RBM19: variants seen among roughly 807,000 people sequenced by gnomAD.
The protein encoded by RBM19 is RNA binding motif protein 19.
A neutral mutation model predicts 116.8 loss-of-function variants in RBM19; 94 were observed. The observed-to-expected ratio is 0.80, with a 90% CI of 0.68 to 0.95. RBM19 has a LOEUF of 0.95. Among genes scored for constraint, RBM19 ranks in the 40% least tolerant of loss-of-function variants. RBM19 has a pLI of 0.00. For missense variants in RBM19, 1,161 were observed against 1,220.7 expected (o/e 0.95, Z 0.73); for synonymous variants, 475 against 494.1 (o/e 0.96, Z 0.51).
intron 21 of RBM19, among the ~76,000 whole-genome samples, chr12:113,899,657 A>G (rs1244563707): frequency 1.3e-5 from 2 of 152,230 alleles, no homozygotes; most frequent in African/African-American, 4.8e-5. Flanking sequence ...AGTGATGCTT[A>G]GTAAATATTT....
intron 21 of RBM19, among the ~76,000 whole-genome samples, chr12:113,888,921 G>A (rs1880738331): frequency 1.3e-5 from 2 of 152,348 alleles, no homozygotes; most frequent in Admixed American, 1.3e-4. Context: ...CTTAACGGGT[G>A]GTACTGCCCC....
chr12:113,832,937 T>A (rs1875557305), intron 23 of RBM19, among the ~76,000 whole-genome samples: 2 of 152,046 alleles, frequency 1.3e-5, no homozygotes, highest in Admixed American at 6.6e-5. Context: ...AAATGTACTG[T>A]CCTGTGAATG....
intron 21 of RBM19, among the ~76,000 whole-genome samples, chr12:113,896,648 A>C (rs1353763667): frequency 1.3e-5 from 2 of 152,194 alleles, no homozygotes; most frequent in Non-Finnish European, 2.9e-5. Context: ...GCATTTTACA[A>C]GAGAACAGAG....
intron 21 of RBM19, among the ~76,000 whole-genome samples, chr12:113,862,457 A>G (rs540015128): frequency 6.6e-6 from 1 of 152,334 alleles, no homozygotes; most frequent in African/African-American, 2.4e-5. Flanking sequence ...TAAAAAGAAA[A>G]AAAAAGGTTG....
At chr12:113,853,681 G>A (rs985897025) in intron 22 of RBM19, among the ~76,000 whole-genome samples, 6 of 152,210 alleles carry the variant, frequency 3.9e-5, no homozygotes, top group African/African-American at 1.4e-4. Context: ...AGCCAATGGG[G>A]ATGAGTGTAC....
intron 21 of RBM19, among the ~76,000 whole-genome samples, chr12:113,869,122 C>T (rs572836650): frequency 7.9e-5 from 12 of 152,212 alleles, no homozygotes; most frequent in African/African-American, 2.9e-4. Flanking sequence ...CCTCCTAAGC[C>T]CTTATGGTAT....
In RBM19 at chr12:113,825,733, C is replaced by T. The variant is rs185942972; in HGVS notation, c.2786-2412G>A. ...CGAGTTCTAGCCCCATCCATTGTGT[C>T]GGCTCAACCTGTAAGATAGAGCTGG... On this transcript the variant is annotated intron_variant, in intron 23 of 23. Transcript: ENST00000261741. This position sits in a 1 kb window ranked among gnomAD's most constrained non-coding sequence, Gnocchi z 5.7. 1.3e-3 allele frequency among the ~76,000 whole-genome samples: 193 copies of T among 152,240 alleles called. 2 individuals carry two copies. The highest frequency in any genetic ancestry group is 9.5e-3 in the East Asian group (49 of 5,164).
chr12:113,916,250 T>C (rs1240704098), intron 20 of RBM19, among the ~76,000 whole-genome samples: 1 of 151,918 alleles, frequency 6.6e-6, no homozygotes, highest in Non-Finnish European at 1.5e-5. Flanking sequence ...CTACTGAAAA[T>C]ACAAAAATTA....
intron 21 of RBM19, among the ~76,000 whole-genome samples, chr12:113,877,197 G>A (rs1565991915): frequency 6.6e-6 from 1 of 152,218 alleles, no homozygotes; most frequent in Non-Finnish European, 1.5e-5. Flanking sequence ...TCAGGGAGAG[G>A]ACCTCCTCTG....
At chr12:113,861,886 C>A (rs1385887322) in intron 21 of RBM19, among the ~76,000 whole-genome samples, 3 of 152,114 alleles carry the variant, frequency 2.0e-5, no homozygotes, top group African/African-American at 7.2e-5. Context: ...GGGGAGGTCA[C>A]AGCTGTGGTT....
chr12:113,897,726 C>T (rs548553296), intron 21 of RBM19, among the ~76,000 whole-genome samples: 8 of 152,222 alleles, frequency 5.3e-5, no homozygotes, highest in Non-Finnish European at 1.2e-4. Flanking sequence ...CTGCACAATC[C>T]TAGAGGCCAC....
chr12:113,819,298 C>T (rs191767412), downstream of RBM19, among the ~76,000 whole-genome samples: 37 of 152,328 alleles, frequency 2.4e-4, no homozygotes, highest in Non-Finnish European at 4.0e-4. Flanking sequence ...GTCCTACTGA[C>T]CTCCCACCTC....
intron 21 of RBM19, among the ~76,000 whole-genome samples, chr12:113,911,914 G>A (rs1239537604): frequency 6.6e-6 from 1 of 152,180 alleles, no homozygotes; most frequent in African/African-American, 2.4e-5. Flanking sequence ...ACTGAAGTCC[G>A]AAAAGAGAGC....
chr12:113,961,889 T>G (rs1003685195), intron 2 of RBM19, among the ~76,000 whole-genome samples: 9 of 152,234 alleles, frequency 5.9e-5, no homozygotes, highest in Non-Finnish European at 8.8e-5. Flanking sequence ...CATCATTGAG[T>G]GCTTGCTAAA....
chr12:113,964,641 C>T (rs891999012), intron 1 of RBM19, among the ~76,000 whole-genome samples: 7 of 152,108 alleles, frequency 4.6e-5, no homozygotes, highest in Admixed American at 3.3e-4. Flanking sequence ...TAATTAAAAA[C>T]AAGAATATTA....
In RBM19 at chr12:113,939,967, T is replaced by G. The variant is rs1409792229; in HGVS notation, c.1931A>C (p.Tyr644Ser). The change falls in exon 15 of 24, where the codon TAT (tyrosine) becomes TCT (serine). Residue 644 changes from tyrosine (Y) to serine (S), a missense_variant. Transcript: ENST00000261741. ...EARKAFRHLA[Y>S]SKFHHVPLYL... ...GGTCTCCAGCAGCCCTACCTTGGAA[T>G]AGGCCAGATGCCTGAAGGCCTTGCG... 2 of 1,613,970 alleles carry G rather than the reference T, an allele frequency of 1.2e-6. No homozygotes were observed. The highest frequency in any genetic ancestry group is 2.2e-5 in the South Asian group (2 of 91,076).
At chr12:113,820,196 G>A (rs1426962559), downstream of RBM19, among the ~76,000 whole-genome samples, 1 of 148,024 alleles carries the variant, frequency 6.8e-6, no homozygotes, top group African/African-American at 2.5e-5. Context: ...TGGAAGAACT[G>A]TCTTGGACCA....
chr12:113,965,003 G>T (rs7965654), intron 1 of RBM19, among the ~76,000 whole-genome samples: 16,143 of 151,980 alleles, frequency 0.11, 1,080 homozygotes, highest in African/African-American at 0.18. Context: ...CAGGTGCAGT[G>T]GCTCACGCCT....
chr12:113,839,047 T>C (rs1157506125), intron 23 of RBM19, among the ~76,000 whole-genome samples: 1 of 152,200 alleles, frequency 6.6e-6, no homozygotes, highest in African/African-American at 2.4e-5. Flanking sequence ...TGCAGAGAGC[T>C]CTTTGTTGTG....
Sources: allele counts gnomAD v4.1 joint callset (sites outside exome capture counted in the v4.1 genomes callset), GRCh38; gene constraint gnomAD v4.1.1; non-coding constraint Gnocchi (gnomAD v3.1); transcripts MANE v1.5; gene names NCBI Gene and HGNC (gene_info 2026-07-23, HGNC 2026-07-21).